The following FAM3D variants were observed in gnomAD, a reference collection of about 807,000 sequenced individuals.
The protein encoded by FAM3D is protein FAM3D.
A neutral mutation model predicts 29.8 loss-of-function variants in FAM3D; 26 were observed. The observed-to-expected ratio is 0.87, with a 90% CI of 0.64 to 1.21. The LOEUF (loss-of-function observed/expected upper bound fraction) is 1.21. Among genes scored for constraint, FAM3D ranks in the 50% most tolerant of loss-of-function variants. FAM3D has a pLI of 0.00. For missense variants in FAM3D, 253 were observed against 290.9 expected (o/e 0.87, Z 0.95); for synonymous variants, 115 against 102.3 (o/e 1.12, Z -0.75).
chr3:58,641,985 T>A (rs2066347445), intron 6 of FAM3D, among the ~76,000 whole-genome samples: 1 of 152,006 alleles, frequency 6.6e-6, no homozygotes, highest in Admixed American at 6.6e-5. Context: ...CGCTGTGGGG[T>A]GAGGGCAGAT....
At chr3:58,641,879 T>C (rs11130666) in intron 6 of FAM3D, among the ~76,000 whole-genome samples, 8 of 151,972 alleles carry the variant, frequency 5.3e-5, no homozygotes, top group Non-Finnish European at 8.8e-5. Context: ...TTGGAGAATA[T>C]TCAAAAAGCT....
chr3:58,649,280 G>C, intron 4 of FAM3D, 35 bp downstream of exon 4: 1 of 1,609,668 alleles, frequency 6.2e-7, no homozygotes, highest in Non-Finnish European at 8.5e-7. Flanking sequence ...GAGTGGATGA[G>C]GTCGGGGGAG....
In FAM3D at chr3:58,649,321, C is replaced by T. The variant is rs899273968; in HGVS notation, c.139G>A (p.Glu47Lys). Residue 47 changes from glutamate to lysine, a missense_variant, in exon 4 of 10, where the codon GAG becomes AAG. By Grantham distance (56) the Glu-to-Lys change is moderately conservative. Transcript: ENST00000358781. ...GGGCTGCACAGATACTCACGGATCT[C>T]CTTGGTGGGCGAGGCTGCTGGAGAG... ...PRWLAASPTKEIQVKKYKCGL... is the reference protein window; with the variant it reads ...PRWLAASPTKKIQVKKYKCGL... 6.2e-7 allele frequency: 1 copy of T among 1,613,576 alleles called. No homozygotes were observed. The highest frequency in any genetic ancestry group is 1.3e-5 in the African/African-American group (1 of 74,860).
chr3:58,637,878 G>GATTATT (rs9311680), intron 7 of FAM3D, among the ~76,000 whole-genome samples: 4,672 of 148,656 alleles, frequency 0.031, 264 homozygotes, highest in African/African-American at 0.11. Flanking sequence ...TTTCCCTTGT[G>GATTATT]ATTATTATTA....
chr3:58,652,990 T>TC (rs1553635933), intron 3 of FAM3D, among the ~76,000 whole-genome samples: 11 of 151,650 alleles, frequency 7.3e-5, no homozygotes, highest in Middle Eastern at 3.4e-3. Context: ...TTTTTTTTTT[T>TC]CACTCATCAA....
Position 58,636,355 on chromosome 3 carries a change from A to G in FAM3D, c.524T>C (p.Phe175Ser), listed in dbSNP as rs1256770303. Reference sequence around the variant, plus strand: ...TCCTATGAAGACCCAGCTGTCCCGGAAGCCCAGTTGTTTTGCGTAGGAACT... The same window carrying G: ...TCCTATGAAGACCCAGCTGTCCCGGGAGCCCAGTTGTTTTGCGTAGGAACT... ...LGSSYAKQLGFRDSWVFIGAK... is the reference protein window; with the variant it reads ...LGSSYAKQLGSRDSWVFIGAK... The change falls in exon 9 of 10, where the codon TTC becomes TCC. Residue 175 changes from phenylalanine (F) to serine (S), a missense_variant. By Grantham distance (155) the Phe-to-Ser change is radical (BLOSUM62 -2). Transcript: ENST00000358781. The G allele has an allele frequency of 3.1e-6, 5 of 1,614,062 alleles. No individual in the cohort carries two copies. Among genetic ancestry groups the G allele is most frequent in the Non-Finnish European group, 4.2e-6 (5 of 1,180,044 alleles).
intron 3 of FAM3D, among the ~76,000 whole-genome samples, chr3:58,651,946 G>T (rs562700303): frequency 6.6e-6 from 1 of 152,174 alleles, no homozygotes; most frequent in Non-Finnish European, 1.5e-5. Flanking sequence ...GTAAGGGATC[G>T]CAGACACTCC....
intron 4 of FAM3D, 29 bp from the exon 5 acceptor site, chr3:58,645,655 G>A: frequency 1.3e-6 from 2 of 1,593,068 alleles, no homozygotes; most frequent in Non-Finnish European, 1.7e-6. Flanking sequence ...AGCCTTGGTG[G>A]GCAGAAGCTC....
At chr3:58,645,963 G>C (rs1161260426) in intron 4 of FAM3D, among the ~76,000 whole-genome samples, 1 of 152,154 alleles carries the variant, frequency 6.6e-6, no homozygotes, top group African/African-American at 2.4e-5. Context: ...CCTCTCGTTT[G>C]GGCCATGGCA....
At position 58,649,195 on chromosome 3, in the gene FAM3D, G is replaced by A. The variant is rs2066558768; in HGVS notation, c.145+120C>T. ...GACTGGGAAGAATCAGGAAGCCCAGGTTTCTCTGGCACCTGCAGGGCTCAG... is the reference window on the plus strand; with the variant it reads ...GACTGGGAAGAATCAGGAAGCCCAGATTTCTCTGGCACCTGCAGGGCTCAG... On this transcript the variant is annotated intron_variant, in intron 4 of 9. Coordinates refer to ENST00000358781, the MANE Select transcript of FAM3D (RefSeq NM_138805.3). The A allele has an allele frequency of 3.2e-6, 4 of 1,258,810 alleles. No homozygotes were observed. The South Asian group carries it at 6.0e-5, about 19-fold the overall frequency. The allele number at this position is 1,258,810 out of a possible 1,614,324, so 78.0% of individuals were successfully genotyped here.
At chr3:58,660,227 A>G (rs367586407) in intron 1 of FAM3D, among the ~76,000 whole-genome samples, 2 of 152,342 alleles carry the variant, frequency 1.3e-5, no homozygotes, top group African/African-American at 4.8e-5. Flanking sequence ...ACACACAGGC[A>G]CACATGTAGG....
At chr3:58,650,468 G>T (rs901066292) in intron 3 of FAM3D, among the ~76,000 whole-genome samples, 1 of 152,140 alleles carries the variant, frequency 6.6e-6, no homozygotes, top group Non-Finnish European at 1.5e-5. Context: ...GATAAGCATC[G>T]GGAGAGGAGC....
At chr3:58,663,895 C>T (rs2066980072) in intron 1 of FAM3D, among the ~76,000 whole-genome samples, 1 of 152,234 alleles carries the variant, frequency 6.6e-6, no homozygotes, top group Non-Finnish European at 1.5e-5. Flanking sequence ...ATTTCTCCAC[C>T]AGGGCTGCCC....
At position 58,634,460 on chromosome 3, in the gene FAM3D, G is replaced by T; in HGVS notation, c.586-92C>A. On this transcript the variant is annotated intron_variant, in intron 9 of 9. Transcript: ENST00000358781. This position sits in a 1 kb window ranked among gnomAD's most constrained non-coding sequence, Gnocchi z 4.6. ...GACACTGTGCTCTAAACCTAAATGG[G>T]GGTGTGGGATGTTATTAACCCACTT... 1 of 1,146,662 alleles carries T rather than the reference G, an allele frequency of 8.7e-7. No individual in the cohort carries two copies. 71.0% of individuals were successfully genotyped at this position (1,146,662 alleles called of 1,614,324 possible).
chr3:58,661,340 T>C (rs1024180628), intron 1 of FAM3D, among the ~76,000 whole-genome samples: 1 of 152,016 alleles, frequency 6.6e-6, no homozygotes, highest in Non-Finnish European at 1.5e-5. Context: ...AAGATTCTGT[T>C]CTCCCACCCC....
Position 58,636,300 on chromosome 3 carries a change from A to G in FAM3D, c.579T>C (p.Phe193=). 1.2e-6 allele frequency: 2 copies of G among 1,613,950 alleles called. No homozygotes were observed. The highest frequency in any genetic ancestry group is 1.7e-6 in the Non-Finnish European group (2 of 1,179,990). The change falls in exon 9 of 10, where the codon TTT becomes TTC. Residue 193 remains phenylalanine (F), a synonymous_variant. Coordinates refer to ENST00000358781, the MANE Select transcript of FAM3D (RefSeq NM_138805.3). ...GAKDLRGKSP[F]EQFLKNSPDT... is the part of the protein sequence containing the mutation. Reference sequence around the variant, plus strand: ...GTTGTGGCCCAGAACCCACCTGCTCAAAGGGGCTTTTACCCCTGAGGTCTT... The same window carrying G: ...GTTGTGGCCCAGAACCCACCTGCTCGAAGGGGCTTTTACCCCTGAGGTCTT...
At chr3:58,656,215 C>A (rs568709174) in intron 1 of FAM3D, among the ~76,000 whole-genome samples, 20 of 152,324 alleles carry the variant, frequency 1.3e-4, no homozygotes, top group African/African-American at 4.8e-4. Flanking sequence ...TCACGTATTG[C>A]AGGTGACTTT....
At chr3:58,650,376 T>C (rs1479286755) in intron 3 of FAM3D, among the ~76,000 whole-genome samples, 3 of 152,142 alleles carry the variant, frequency 2.0e-5, no homozygotes, top group African/African-American at 7.2e-5. Flanking sequence ...TACTTCCCTA[T>C]GTTGATACAT....
intron 1 of FAM3D, among the ~76,000 whole-genome samples, chr3:58,665,337 T>C (rs1257523185): frequency 1.3e-5 from 2 of 151,982 alleles, no homozygotes; most frequent in African/African-American, 2.4e-5. Flanking sequence ...TCTTTCCTCC[T>C]GTTCCCCCTT....
Sources: allele counts gnomAD v4.1 joint callset (sites outside exome capture counted in the v4.1 genomes callset), GRCh38; gene constraint gnomAD v4.1.1; non-coding constraint Gnocchi (gnomAD v3.1); transcripts MANE v1.5; gene names NCBI Gene and HGNC (gene_info 2026-07-23, HGNC 2026-07-21).